The following NCAM2 variants were observed in gnomAD, a reference collection of about 807,000 sequenced individuals.
NCAM2 encodes the protein N-CAM-2.
In NCAM2, 30 loss-of-function variants were observed where a neutral mutation model predicts 98.1. The observed-to-expected ratio is 0.31, with a 90% CI of 0.23 to 0.41. The LOEUF (loss-of-function observed/expected upper bound fraction) is 0.41. Among genes scored for constraint, NCAM2 ranks in the 10% least tolerant of loss-of-function variants. The probability of loss-of-function intolerance (pLI) is 1.00; values close to 1 mark genes in which losing one functional copy is unlikely to be tolerated. For missense variants in NCAM2, 867 were observed against 1,005.8 expected (o/e 0.86, Z 1.87); for synonymous variants, 368 against 342.4 (o/e 1.07, Z -0.83).
At chr21:21,027,859 T>G (rs1480580091) in intron 1 of NCAM2, among the ~76,000 whole-genome samples, 1 of 138,788 alleles carries the variant, frequency 7.2e-6, no homozygotes, top group East Asian at 2.0e-4. Context: ...GTTTCTTAAG[T>G]TTTTTTTTTT....
intron 1 of NCAM2, among the ~76,000 whole-genome samples, chr21:21,279,585 C>T (rs2072855722): frequency 6.6e-6 from 1 of 152,154 alleles, no homozygotes; most frequent in African/African-American, 2.4e-5. Context: ...TCTCAAACTC[C>T]TGACCTTGTG....
intron 1 of NCAM2, among the ~76,000 whole-genome samples, chr21:21,161,339 TTTTA>T (rs1450436075): frequency 6.6e-6 from 1 of 151,898 alleles, no homozygotes; most frequent in Non-Finnish European, 1.5e-5. Context: ...TATTTATTTA[TTTTA>T]TTTATTTATT....
chr21:21,309,848 C>CT (rs1450258125), intron 5 of NCAM2, among the ~76,000 whole-genome samples: 1 of 151,884 alleles, frequency 6.6e-6, no homozygotes, highest in Non-Finnish European at 1.5e-5. Flanking sequence ...TCATTTCCCC[C>CT]CATATTTTAG....
chr21:21,287,163 A>AT (rs1047988052), intron 4 of NCAM2, among the ~76,000 whole-genome samples: 34 of 152,004 alleles, frequency 2.2e-4, no homozygotes, highest in African/African-American at 8.2e-4. Flanking sequence ...TCAATTTAGA[A>AT]TTTTTTCAAT....
At chr21:21,059,513 A>G (rs987759816) in intron 1 of NCAM2, among the ~76,000 whole-genome samples, 4 of 152,136 alleles carry the variant, frequency 2.6e-5, no homozygotes, top group Non-Finnish European at 5.9e-5. Flanking sequence ...TGGCCATACT[A>G]TTTAGGGAAC....
chr21:21,088,828 C>T (rs8131279), intron 1 of NCAM2, among the ~76,000 whole-genome samples: 1 of 151,588 alleles, frequency 6.6e-6, no homozygotes, highest in Non-Finnish European at 1.5e-5. Context: ...AAAAATTAGC[C>T]GGGCGTGGTG....
chr21:21,194,045 G>A (rs1320695129), intron 1 of NCAM2, among the ~76,000 whole-genome samples: 1 of 152,052 alleles, frequency 6.6e-6, no homozygotes, highest in African/African-American at 2.4e-5. Context: ...ACAAAGCAAT[G>A]AGAAAGAATG....
At chr21:21,424,683 T>G (rs2077177246) in intron 11 of NCAM2, among the ~76,000 whole-genome samples, 1 of 151,998 alleles carries the variant, frequency 6.6e-6, no homozygotes, top group East Asian at 1.9e-4. Context: ...AGAAGACCAG[T>G]GTTGGTAATG....
At chr21:21,150,709 T>C (rs1183961311) in intron 1 of NCAM2, among the ~76,000 whole-genome samples, 1 of 151,938 alleles carries the variant, frequency 6.6e-6, no homozygotes, top group Non-Finnish European at 1.5e-5. Context: ...TTAGATCCAT[T>C]TTTCTTATAT....
intron 1 of NCAM2, among the ~76,000 whole-genome samples, chr21:21,265,010 A>ACATAT: frequency 2.7e-5 from 1 of 37,696 alleles, no homozygotes; most frequent in South Asian, 8.3e-4. Context: ...ATATACACAT[A>ACATAT]TATATTATAT....
chr21:21,324,610 C>T, intron 6 of NCAM2, 110 bp downstream of exon 6: 1 of 794,046 alleles, frequency 1.3e-6, no homozygotes. Flanking sequence ...ATTTTAGTTT[C>T]ATTAAAAAAA....
At chr21:21,448,225 T>A (rs1980486050) in intron 12 of NCAM2, among the ~76,000 whole-genome samples, 1 of 152,038 alleles carries the variant, frequency 6.6e-6, no homozygotes, top group Admixed American at 6.6e-5. Context: ...TAGAAAGGAA[T>A]GAGAACATGT....
chr21:21,093,987 T>A (rs903249793), intron 1 of NCAM2, among the ~76,000 whole-genome samples: 1 of 152,028 alleles, frequency 6.6e-6, no homozygotes, highest in Admixed American at 6.6e-5. Context: ...GCCTCTTTTC[T>A]AAGAATTCTC....
intron 1 of NCAM2, among the ~76,000 whole-genome samples, chr21:21,169,302 G>A (rs11910807): frequency 0.53 from 80,988 of 151,754 alleles, 21,680 homozygotes; most frequent in South Asian, 0.61. Flanking sequence ...TGGATCGATC[G>A]TAGCCCTACA....
intron 1 of NCAM2, among the ~76,000 whole-genome samples, chr21:21,246,287 G>A (rs1290544717): frequency 2.6e-5 from 4 of 151,956 alleles, no homozygotes; most frequent in Non-Finnish European, 5.9e-5. Context: ...TAAGATCCTA[G>A]CCAAAACCAC....
chr21:21,528,541 A>G (rs1488586197), intron 16 of NCAM2, among the ~76,000 whole-genome samples: 2 of 152,212 alleles, frequency 1.3e-5, no homozygotes, highest in Non-Finnish European at 2.9e-5. Flanking sequence ...GAATTTTAAA[A>G]TTATTCTTTG....
At chr21:21,387,714 C>G (rs935082151) in intron 9 of NCAM2, among the ~76,000 whole-genome samples, 1 of 152,112 alleles carries the variant, frequency 6.6e-6, no homozygotes, top group Non-Finnish European at 1.5e-5. Flanking sequence ...TAAATTTTTT[C>G]AACAATATGA....
chr21:21,376,598 A>G (rs1390630417), intron 9 of NCAM2, among the ~76,000 whole-genome samples: 1 of 151,830 alleles, frequency 6.6e-6, no homozygotes, highest in Non-Finnish European at 1.5e-5. Context: ...ACAACTGTAT[A>G]TTGCAATTTG....
chr21:21,307,902 A>G (rs1044816338), intron 5 of NCAM2, among the ~76,000 whole-genome samples: 1 of 152,124 alleles, frequency 6.6e-6, no homozygotes, highest in African/African-American at 2.4e-5. Context: ...TCGCCTAGAT[A>G]ATTCATGATA....
Sources: gnomAD v4.1 joint callset for allele counts (sites outside exome capture counted in the v4.1 genomes callset) on GRCh38, gnomAD v4.1.1 for gene constraint, MANE v1.5 for transcripts, NCBI Gene and HGNC (gene_info 2026-07-23, HGNC 2026-07-21) for gene names.